Variants in TSPAN33 observed in about 807,000 individuals in gnomAD.
The protein encoded by TSPAN33 is tetraspanin-33.
In TSPAN33, 27 loss-of-function variants were observed where a neutral mutation model predicts 34.8. The ratio of observed to expected loss-of-function variants is 0.78; its 90% CI spans 0.57 to 1.07. TSPAN33 has a LOEUF of 1.07. TSPAN33 is among the 50% of genes least tolerant of loss of function. The probability of loss-of-function intolerance (pLI) is 0.00; values close to 1 mark genes in which losing one functional copy is unlikely to be tolerated. For missense variants in TSPAN33, 272 were observed against 324.9 expected (o/e 0.84, Z 1.25); for synonymous variants, 119 against 124.2 (o/e 0.96, Z 0.28).
chr7:129,153,605 T>A (rs1226413289), intron 1 of TSPAN33, among the ~76,000 whole-genome samples: 2 of 151,884 alleles, frequency 1.3e-5, no homozygotes, highest in Admixed American at 6.6e-5. Context: ...TTGGGGAAAG[T>A]TACATATGGA....
At chr7:129,161,628 GC>G in intron 1 of TSPAN33, 50 bp from the exon 2 acceptor site, 1 of 1,585,556 alleles carries the variant, frequency 6.3e-7, no homozygotes, top group African/African-American at 1.3e-5. Context: ...GGCATTCAGG[GC>G]TCTCTGGTTT....
In TSPAN33 at chr7:129,145,012, C is replaced by A; in HGVS notation, c.32C>A (p.Ser11Tyr). ...CGGAGACCCCGGGCGCCGGCCGCCT[C>A]CGGGGAGGAGTTCTCCTTCGTCAGC... MARRPRAPAA[S>Y]GEEFSFVSPL... The change falls in exon 1 of 8, where the codon TCC becomes TAC. Residue 11 changes from serine (S) to tyrosine (Y), a missense_variant. Coordinates refer to ENST00000486685, the MANE Select transcript of TSPAN33 (RefSeq NM_178562.5). The A allele has an allele frequency of 1.4e-6, 1 of 694,908 alleles. No individual in the cohort carries two copies. Among genetic ancestry groups the A allele is most frequent in the Non-Finnish European group, 2.6e-6 (1 of 378,804 alleles). 43.0% of individuals were successfully genotyped at this position (694,908 alleles called of 1,614,324 possible).
intron 1 of TSPAN33, among the ~76,000 whole-genome samples, chr7:129,146,687 A>G (rs989932886): frequency 1.3e-5 from 2 of 152,200 alleles, no homozygotes; most frequent in Non-Finnish European, 2.9e-5. Context: ...CCACTCTACC[A>G]GTGCTGGGGG....
At chr7:129,152,457 C>T (rs1271574184) in intron 1 of TSPAN33, among the ~76,000 whole-genome samples, 1 of 152,046 alleles carries the variant, frequency 6.6e-6, no homozygotes, top group African/African-American at 2.4e-5. Context: ...GAGGCTGAGG[C>T]GGGCAGATCA....
intron 1 of TSPAN33, among the ~76,000 whole-genome samples, chr7:129,155,623 A>G (rs2150623671): frequency 6.6e-6 from 1 of 151,402 alleles, no homozygotes; most frequent in East Asian, 1.9e-4. Context: ...TGTTGTAATT[A>G]ATAGTATTAT....
chr7:129,152,904 C>A (rs1353317791), intron 1 of TSPAN33, among the ~76,000 whole-genome samples: 1 of 150,632 alleles, frequency 6.6e-6, no homozygotes, highest in East Asian at 2.0e-4. Flanking sequence ...ACTAAAAATA[C>A]AAAATTAGCC....
At chr7:129,149,375 T>C (rs1358624258) in intron 1 of TSPAN33, among the ~76,000 whole-genome samples, 2 of 152,124 alleles carry the variant, frequency 1.3e-5, no homozygotes, top group Non-Finnish European at 2.9e-5. Flanking sequence ...CTGGCCAACA[T>C]GGTGAAACCC....
chr7:129,145,323 G>T lies in TSPAN33; in HGVS notation c.102+241G>T, dbSNP rs546325081. On this transcript the variant is annotated intron_variant, in intron 1 of 7. Transcript: ENST00000486685. ...TGGGTATTCTCGGGGCGTCGGAGGA[G>T]GGTCTGTGTTAGGCTAGAAATGTGG... Among the ~76,000 whole-genome samples the T allele has an allele frequency of 2.0e-5, 3 of 152,212 alleles. No homozygotes were observed. The South Asian group carries it at 6.2e-4, about 32-fold the overall frequency.
rs1326928765 is a variant in TSPAN33, at chr7:129,169,523, C to G, written c.*1649C>G. The G allele has an allele frequency of 6.6e-6, 1 of 152,264 alleles. No individual in the cohort carries two copies. Among genetic ancestry groups the G allele is most frequent in the African/African-American group, 2.4e-5 (1 of 41,470 alleles). 9.4% of individuals were successfully genotyped at this position (152,264 alleles called of 1,614,324 possible). A position where few individuals can be genotyped will look rare whatever the true frequency, so the allele number is the denominator to read the frequency against. ...CTGGCGGGAAATAGCCTCGACCGAACTGCTGCGGGGACAAAGAGCCGCGAG... is the reference window on the plus strand; with the variant it reads ...CTGGCGGGAAATAGCCTCGACCGAAGTGCTGCGGGGACAAAGAGCCGCGAG... On this transcript the variant is annotated 3_prime_UTR_variant, in exon 8 of 8. Coordinates refer to ENST00000486685, the MANE Select transcript of TSPAN33 (RefSeq NM_178562.5).
chr7:129,147,020 A>G (rs1810530734), intron 1 of TSPAN33, among the ~76,000 whole-genome samples: 1 of 149,676 alleles, frequency 6.7e-6, no homozygotes, highest in Non-Finnish European at 1.5e-5. Flanking sequence ...GAGAGATCTC[A>G]GCCAGGAGAG....
intron 1 of TSPAN33, among the ~76,000 whole-genome samples, chr7:129,151,795 G>A (rs918387157): frequency 1.3e-5 from 2 of 152,072 alleles, no homozygotes; most frequent in African/African-American, 2.4e-5. Flanking sequence ...TGGAAAACTA[G>A]GAAACAATTT....
At position 129,165,357 on chromosome 7, in the gene TSPAN33, G is replaced by C. The variant is rs761481369; in HGVS notation, c.459+788G>C. On this transcript the variant is annotated intron_variant, in intron 5 of 7. Coordinates refer to ENST00000486685, the MANE Select transcript of TSPAN33 (RefSeq NM_178562.5). This position sits in a 1 kb window ranked among gnomAD's most constrained non-coding sequence, Gnocchi z 4.5. The stretch of plus-strand genomic sequence containing the variant: ...TCCAGCAACCACCATTCTACTTTCT[G>C]TCTGTAAATTTGACAACTCTAGGTA... 6.6e-6 allele frequency among the ~76,000 whole-genome samples: 1 copy of C among 152,144 alleles called. No homozygotes were observed. Among genetic ancestry groups the C allele is most frequent in the East Asian group, 1.9e-4 (1 of 5,202 alleles).
chr7:129,155,372 T>C (rs1810652500), intron 1 of TSPAN33, among the ~76,000 whole-genome samples: 1 of 152,212 alleles, frequency 6.6e-6, no homozygotes, highest in South Asian at 2.1e-4. Context: ...CAATATATTG[T>C]ATTTTTCAAA....
chr7:129,159,146 C>T (rs6949284), intron 1 of TSPAN33, among the ~76,000 whole-genome samples: 2,015 of 151,666 alleles, frequency 0.013, 38 homozygotes, highest in African/African-American at 0.044. Context: ...CTGCAACCTC[C>T]GCCTCCCAGG....
rs1255898605 is a variant in TSPAN33, at chr7:129,165,487, T to C, written c.459+918T>C. 6.6e-5 allele frequency among the ~76,000 whole-genome samples: 10 copies of C among 152,272 alleles called. No homozygotes were observed. The highest frequency in any genetic ancestry group is 1.2e-4 in the Non-Finnish European group (8 of 68,050). The stretch of plus-strand genomic sequence containing the variant: ...GTTTTGGCATGTGCCACAACTGCCT[T>C]CCTTTTGAAGGCTGAATAATATTCT... On this transcript the variant is annotated intron_variant, in intron 5 of 7. Transcript: ENST00000486685. The surrounding 1 kb of genome is among the most constrained non-coding windows in gnomAD (Gnocchi z 4.5).
At chr7:129,150,043 G>A (rs10216028) in intron 1 of TSPAN33, among the ~76,000 whole-genome samples, 112,043 of 152,150 alleles carry the variant, frequency 0.74, 41,773 homozygotes, top group Non-Finnish European at 0.78. Context: ...CTTCCCTCTG[G>A]GCAGGGACAG....
At chr7:129,149,818 G>A (rs1810569413) in intron 1 of TSPAN33, among the ~76,000 whole-genome samples, 1 of 152,250 alleles carries the variant, frequency 6.6e-6, no homozygotes, top group Non-Finnish European at 1.5e-5. Flanking sequence ...TCCAGAGGGA[G>A]AGCGCTGACA....
Position 129,169,578 on chromosome 7 carries a change from C to A in TSPAN33, c.*1704C>A, listed in dbSNP as rs935230372. ...CTCCCTGCCCCCAGTGTCTCCTAAG[C>A]GAGCCTTCTGCTCCTAGGAAGGCGC... On this transcript the variant is annotated 3_prime_UTR_variant, in exon 8 of 8. Coordinates refer to ENST00000486685, the MANE Select transcript of TSPAN33 (RefSeq NM_178562.5). 1 of 152,240 alleles carries A rather than the reference C, an allele frequency of 6.6e-6. No individual in the cohort carries two copies. 9.4% of individuals were successfully genotyped at this position (152,240 alleles called of 1,614,324 possible).
chr7:129,145,735 A>C (rs1810511770), intron 1 of TSPAN33, among the ~76,000 whole-genome samples: 1 of 151,862 alleles, frequency 6.6e-6, no homozygotes, highest in Non-Finnish European at 1.5e-5. Context: ...CCGGAGGGCC[A>C]GGGGTCCTTT....
Sources: allele counts gnomAD v4.1 joint callset (sites outside exome capture counted in the v4.1 genomes callset), GRCh38; gene constraint gnomAD v4.1.1; non-coding constraint Gnocchi (gnomAD v3.1); transcripts MANE v1.5; gene names NCBI Gene and HGNC (gene_info 2026-07-23, HGNC 2026-07-21).